ADAMTSL1: variants seen among roughly 807,000 people sequenced by gnomAD.
ADAMTSL1 encodes ADAMTS-like protein 1.
ADAMTSL1 carries 126 observed loss-of-function variants against 201.8 expected under a neutral mutation model. The ratio of observed to expected loss-of-function variants is 0.62; its 90% CI spans 0.54 to 0.72. ADAMTSL1 has a LOEUF of 0.72. Ranked by LOEUF, ADAMTSL1 falls within the 30% of genes least tolerant of loss-of-function variation. The pLI, the probability that ADAMTSL1 is intolerant of heterozygous loss-of-function variation, is 0.00. For synonymous variants in ADAMTSL1, 1,121 were observed against 903.4 expected, an observed-to-expected ratio of 1.24 and a Z score of -4.32; for missense variants, 2,679 against 2,277.8, an observed-to-expected ratio of 1.18 and a Z score of -3.59.
At chr9:18,486,034 G>A (rs955147362) in intron 1 of ADAMTSL1, among the ~76,000 whole-genome samples, 1 of 152,150 alleles carries the variant, frequency 6.6e-6, no homozygotes, top group African/African-American at 2.4e-5. Context: ...TACATCTTGA[G>A]GCCTCAGAGG....
At chr9:18,438,495 A>ACCTGAC (rs1243101807) in intron 2 of ADAMTSL1, among the ~76,000 whole-genome samples, 8 of 151,976 alleles carry the variant, frequency 5.3e-5, no homozygotes, top group Non-Finnish European at 7.4e-5. Context: ...TGTCAGCAGG[A>ACCTGAC]CCTGACGGCA....
chr9:18,655,218 G>C (rs1828552839), intron 7 of ADAMTSL1, among the ~76,000 whole-genome samples: 1 of 152,138 alleles, frequency 6.6e-6, no homozygotes, highest in South Asian at 2.1e-4. Flanking sequence ...TTGATTCCTT[G>C]AATTTTACAT....
intron 19 of ADAMTSL1, among the ~76,000 whole-genome samples, chr9:18,790,489 C>T (rs1173231791): frequency 6.6e-6 from 1 of 152,190 alleles, no homozygotes; most frequent in Non-Finnish European, 1.5e-5. Context: ...CTTTATACAC[C>T]CGGAGCTGCC....
chr9:18,202,412 C>T lies in ADAMTSL1; in HGVS notation c.207+38431C>T, dbSNP rs150156718. 5.5e-3 allele frequency among the ~76,000 whole-genome samples: 844 copies of T among 152,332 alleles called. 6 individuals are homozygous for T. Among genetic ancestry groups the T allele is most frequent in the African/African-American group, 0.015 (626 of 41,588 alleles). On this transcript the variant is annotated intron_variant, in intron 2 of 29. Transcript: ENST00000680146. ...TTAATGTTCTTTCAATACGTGTGCT[C>T]AATCTTCAGTGGAGCTGGTACATAG...
At chr9:18,328,170 C>T (rs1405554721) in intron 2 of ADAMTSL1, among the ~76,000 whole-genome samples, 2 of 152,164 alleles carry the variant, frequency 1.3e-5, no homozygotes, top group African/African-American at 4.8e-5. Flanking sequence ...AAAGTGCTTG[C>T]CTGGGTACCA....
At chr9:18,873,961 A>AT (rs1828000492) in intron 23 of ADAMTSL1, among the ~76,000 whole-genome samples, 1 of 151,536 alleles carries the variant, frequency 6.6e-6, no homozygotes, top group Admixed American at 6.6e-5. Context: ...GTCGTCTATG[A>AT]TTTTTTCAGC....
chr9:18,071,699 C>G (rs1037558580), intron 1 of ADAMTSL1, among the ~76,000 whole-genome samples: 17 of 152,202 alleles, frequency 1.1e-4, no homozygotes, highest in African/African-American at 3.9e-4. Context: ...ATAGAGATTT[C>G]TCTGTATCAG....
chr9:18,782,840 G>A (rs1821477161), intron 19 of ADAMTSL1, among the ~76,000 whole-genome samples: 1 of 152,188 alleles, frequency 6.6e-6, no homozygotes, highest in African/African-American at 2.4e-5. Context: ...ACCCTAAAGC[G>A]ACAATGACTT....
chr9:18,441,633 AAT>A (rs1357457126), intron 2 of ADAMTSL1, among the ~76,000 whole-genome samples: 2 of 152,204 alleles, frequency 1.3e-5, no homozygotes, highest in African/African-American at 4.8e-5. Context: ...GAAGATGAAG[AAT>A]GGCATGATGC....
At chr9:18,631,939 T>G (rs560211373) in intron 5 of ADAMTSL1, among the ~76,000 whole-genome samples, 2 of 152,162 alleles carry the variant, frequency 1.3e-5, no homozygotes, top group African/African-American at 2.4e-5. Context: ...GCTAGAAATA[T>G]GTCCTGAAGA....
At chr9:18,864,991 C>T (rs189003861) in intron 23 of ADAMTSL1, among the ~76,000 whole-genome samples, 20 of 152,134 alleles carry the variant, frequency 1.3e-4, no homozygotes, top group Admixed American at 1.2e-3. Context: ...ATCAATCACA[C>T]ATTTTTTTTC....
At chr9:18,820,943 G>A (rs1824172780) in intron 21 of ADAMTSL1, among the ~76,000 whole-genome samples, 1 of 152,212 alleles carries the variant, frequency 6.6e-6, no homozygotes, top group African/African-American at 2.4e-5. Context: ...TGCATTTAAA[G>A]AAGTAAAACC....
At chr9:18,757,240 T>A (rs1463597026) in intron 16 of ADAMTSL1, among the ~76,000 whole-genome samples, 2 of 152,198 alleles carry the variant, frequency 1.3e-5, no homozygotes, top group Admixed American at 1.3e-4. Context: ...TTTGAACACT[T>A]ATTTTATGTG....
At chr9:18,114,618 C>G (rs1230130943) in intron 1 of ADAMTSL1, among the ~76,000 whole-genome samples, 1 of 151,958 alleles carries the variant, frequency 6.6e-6, no homozygotes, top group Non-Finnish European at 1.5e-5. Context: ...TGGTATTGCT[C>G]ATATATGAAG....
intron 2 of ADAMTSL1, among the ~76,000 whole-genome samples, chr9:18,367,490 G>C: frequency 6.6e-6 from 1 of 151,716 alleles, no homozygotes; most frequent in Non-Finnish European, 1.5e-5. Flanking sequence ...TGTGAAACTG[G>C]GAAAGCCAAA....
At chr9:18,289,834 G>T (rs901923861) in intron 2 of ADAMTSL1, among the ~76,000 whole-genome samples, 2 of 152,170 alleles carry the variant, frequency 1.3e-5, no homozygotes, top group African/African-American at 4.8e-5. Context: ...CTCAAGACAG[G>T]CTGGAACTTT....
At chr9:17,941,760 T>C (rs1827249125) in intron 1 of ADAMTSL1, among the ~76,000 whole-genome samples, 1 of 152,188 alleles carries the variant, frequency 6.6e-6, no homozygotes, top group Non-Finnish European at 1.5e-5. Flanking sequence ...ACTTGTAGAC[T>C]TGTTGGCTTA....
intron 15 of ADAMTSL1, among the ~76,000 whole-genome samples, chr9:18,727,178 AT>A (rs1398901168): frequency 6.6e-6 from 1 of 152,246 alleles, no homozygotes; most frequent in South Asian, 2.1e-4. Flanking sequence ...ACACAATCAT[AT>A]TTTAATTTAT....
At chr9:18,462,930 A>C (rs1397523464) in intron 2 of ADAMTSL1, among the ~76,000 whole-genome samples, 4 of 151,878 alleles carry the variant, frequency 2.6e-5, no homozygotes, top group African/African-American at 9.7e-5. Flanking sequence ...CAGAGTGAGA[A>C]TCCATCTCAA....
Sources: allele counts gnomAD v4.1 joint callset (sites outside exome capture counted in the v4.1 genomes callset), GRCh38; gene constraint gnomAD v4.1.1; transcripts MANE v1.5; gene names NCBI Gene and HGNC (gene_info 2026-07-23, HGNC 2026-07-21).